The following PDE4D variants were observed in gnomAD, a reference collection of about 807,000 sequenced individuals.
The protein encoded by PDE4D is 3',5'-cyclic-AMP phosphodiesterase 4D.
Under a neutral mutation model 87.4 loss-of-function variants are expected in PDE4D, and 24 were observed. That is an observed-to-expected ratio of 0.27 (90% CI 0.20 to 0.39). PDE4D has a LOEUF of 0.39. Ranked by LOEUF, PDE4D falls within the 10% of genes least tolerant of loss-of-function variation. PDE4D has a pLI of 1.00. For missense variants in PDE4D, 714 were observed against 1,041.0 expected, an observed-to-expected ratio of 0.69 and a Z score of 4.32; for synonymous variants, 384 against 383.2, an observed-to-expected ratio of 1.00 and a Z score of -0.02.
intron 1 of PDE4D, among the ~76,000 whole-genome samples, chr5:60,352,151 A>G (rs946819028): frequency 1.3e-5 from 2 of 152,016 alleles, no homozygotes; most frequent in East Asian, 1.9e-4. Context: ...TCTCCTATAT[A>G]CTCAAAATGT....
intron 3 of PDE4D, among the ~76,000 whole-genome samples, chr5:59,931,167 T>G (rs1030714197): frequency 6.6e-6 from 1 of 152,250 alleles, no homozygotes; most frequent in African/African-American, 2.4e-5. Flanking sequence ...AAACTATTTA[T>G]CTTTTCCATT....
chr5:59,444,411 C>T (rs939180025), intron 1 of PDE4D, among the ~76,000 whole-genome samples: 1 of 152,174 alleles, frequency 6.6e-6, no homozygotes, highest in Admixed American at 6.5e-5. Context: ...GTTTGTCCAA[C>T]ATATTTTTAA....
At chr5:59,885,213 G>A (rs901278446) in intron 1 of PDE4D, among the ~76,000 whole-genome samples, 3 of 151,986 alleles carry the variant, frequency 2.0e-5, no homozygotes, top group African/African-American at 7.2e-5. Flanking sequence ...TTATTATCAT[G>A]CTGTTTGAAT....
intron 2 of PDE4D, among the ~76,000 whole-genome samples, chr5:60,167,868 T>C (rs1783070300): frequency 6.6e-6 from 1 of 152,204 alleles, no homozygotes; most frequent in Admixed American, 6.5e-5. Context: ...GTCATCATGT[T>C]TCCCTGATTA....
Position 59,919,769 on chromosome 5 carries a change from CTTTTA to C in PDE4D, c.272+68714_272+68718del, listed in dbSNP as rs536608599. Among the ~76,000 whole-genome samples the C allele has an allele frequency of 3.3e-5, 5 of 152,238 alleles. No individual in the cohort carries two copies. In the South Asian group the frequency reaches 6.2e-4, roughly 19 times the overall value. On this transcript the variant is annotated intron_variant, in intron 3 of 16. Coordinates refer to the PDE4D transcript ENST00000502484. ...TAGACACTGAATAAACATTTGGGAACTTTTATTTTTCAAATTGGTTTTACATGTAT... is the reference window on the plus strand; with the variant it reads ...TAGACACTGAATAAACATTTGGGAACTTTTTCAAATTGGTTTTACATGTAT...
At chr5:59,455,036 G>GAA (rs1799708803) in intron 1 of PDE4D, among the ~76,000 whole-genome samples, 1 of 152,174 alleles carries the variant, frequency 6.6e-6, no homozygotes, top group East Asian at 1.9e-4. Flanking sequence ...GGGAAGCAGA[G>GAA]CACAAAAGTT....
chr5:60,152,690 G>A (rs1781624858), intron 2 of PDE4D, among the ~76,000 whole-genome samples: 2 of 151,240 alleles, frequency 1.3e-5, no homozygotes, highest in Admixed American at 6.6e-5. Flanking sequence ...TTACCAATGA[G>A]GCCACCTGAT....
intron 1 of PDE4D, among the ~76,000 whole-genome samples, chr5:59,759,511 G>A (rs1332084993): frequency 6.6e-6 from 1 of 152,208 alleles, no homozygotes; most frequent in East Asian, 1.9e-4. Flanking sequence ...AATGCCAATT[G>A]TCATAATGTA....
chr5:59,591,733 G>A (rs193263064), intron 1 of PDE4D, among the ~76,000 whole-genome samples: 16 of 152,076 alleles, frequency 1.1e-4, no homozygotes, highest in Admixed American at 7.9e-4. Flanking sequence ...AAAACACTTG[G>A]TCCCTGTATT....
At chr5:59,157,145 T>C (rs1397037855) in intron 5 of PDE4D, 6 of 575,104 alleles carry the variant, frequency 1.0e-5, no homozygotes, top group South Asian at 2.4e-5. Context: ...GGATGGTACA[T>C]TTCCATTGCT....
chr5:59,857,910 G>A (rs1459629646), intron 1 of PDE4D, among the ~76,000 whole-genome samples: 1 of 131,606 alleles, frequency 7.6e-6, no homozygotes, highest in Admixed American at 7.7e-5. Context: ...AGAAGGAAGG[G>A]GGGAGGGAAG....
chr5:59,769,932 CT>C (rs938485397), intron 1 of PDE4D, among the ~76,000 whole-genome samples: 4 of 152,152 alleles, frequency 2.6e-5, no homozygotes, highest in African/African-American at 4.8e-5. Context: ...CCCTGCCCCC[CT>C]GGTTGCTCCA....
At chr5:60,201,112 A>C (rs910507542) in intron 1 of PDE4D, among the ~76,000 whole-genome samples, 5 of 151,918 alleles carry the variant, frequency 3.3e-5, no homozygotes, top group African/African-American at 1.2e-4. Context: ...AAATCCCATA[A>C]AGGAGAATCA....
At chr5:60,301,499 G>A (rs1753888686) in intron 1 of PDE4D, among the ~76,000 whole-genome samples, 3 of 152,108 alleles carry the variant, frequency 2.0e-5, no homozygotes, top group African/African-American at 7.2e-5. Context: ...TTCATGATTT[G>A]GCTCTCTGCT....
At chr5:59,894,292 T>C (rs1751401092), upstream of PDE4D, among the ~76,000 whole-genome samples, 1 of 152,168 alleles carries the variant, frequency 6.6e-6, no homozygotes, top group Non-Finnish European at 1.5e-5. Flanking sequence ...TCCTGGCTGG[T>C]TCTCAGAGCT....
At chr5:59,534,771 G>C (rs1189595457) in intron 1 of PDE4D, among the ~76,000 whole-genome samples, 1 of 152,142 alleles carries the variant, frequency 6.6e-6, no homozygotes, top group Non-Finnish European at 1.5e-5. Flanking sequence ...ATGAACTCCA[G>C]CCAAAGTGTA....
intron 1 of PDE4D, among the ~76,000 whole-genome samples, chr5:59,528,562 C>A (rs1345491029): frequency 2.6e-5 from 4 of 151,898 alleles, no homozygotes; most frequent in Admixed American, 2.6e-4. Flanking sequence ...AAGTCACTTT[C>A]ATTGATAAAT....
chr5:59,597,619 T>A (rs1406028428), intron 1 of PDE4D, among the ~76,000 whole-genome samples: 1 of 152,130 alleles, frequency 6.6e-6, no homozygotes, highest in Non-Finnish European at 1.5e-5. Flanking sequence ...AAGGCAGAAT[T>A]CCTTTTTAGG....
chr5:59,742,917 C>T (rs1320502645), intron 1 of PDE4D, among the ~76,000 whole-genome samples: 1 of 152,162 alleles, frequency 6.6e-6, no homozygotes, highest in African/African-American at 2.4e-5. Flanking sequence ...GGAACAATTA[C>T]ATATTTAGTC....
Sources: allele counts gnomAD v4.1 joint callset (sites outside exome capture counted in the v4.1 genomes callset), GRCh38; gene constraint gnomAD v4.1.1; transcripts MANE v1.5; gene names NCBI Gene and HGNC (gene_info 2026-07-23, HGNC 2026-07-21).